FILIP1: variants seen among roughly 807,000 people sequenced by gnomAD.
FILIP1 encodes the protein filamin-A-interacting protein 1.
FILIP1 carries 61 observed loss-of-function variants against 102.1 expected under a neutral mutation model. The observed-to-expected ratio is 0.60, with a 90% CI of 0.49 to 0.74. The LOEUF (loss-of-function observed/expected upper bound fraction) is 0.74, where lower values mean the gene tolerates loss of function less well. Among genes scored for constraint, FILIP1 ranks in the 30% least tolerant of loss-of-function variants. FILIP1 has a pLI of 0.00. For missense variants in FILIP1, 1,314 were observed against 1,441.2 expected (o/e 0.91, Z 1.43); for synonymous variants, 491 against 526.9 (o/e 0.93, Z 0.93).
At chr6:75,430,152 C>G (rs1465135993) in intron 1 of FILIP1, among the ~76,000 whole-genome samples, 1 of 152,152 alleles carries the variant, frequency 6.6e-6, no homozygotes, top group East Asian at 1.9e-4. Context: ...ATAAGGGGCT[C>G]TTCCCCCTTC....
At chr6:75,438,974 AG>A (rs34393755) in intron 1 of FILIP1, among the ~76,000 whole-genome samples, 1 of 152,228 alleles carries the variant, frequency 6.6e-6, no homozygotes, top group East Asian at 1.9e-4. Context: ...TGCCAGAGAC[AG>A]GGGTTACAAA....
chr6:75,385,229 C>G (rs1776048761), intron 2 of FILIP1, among the ~76,000 whole-genome samples: 1 of 152,084 alleles, frequency 6.6e-6, no homozygotes, highest in African/African-American at 2.4e-5. Context: ...AGAGATCTCT[C>G]CATTATGCTA....
chr6:75,330,745 C>T (rs376125898), intron 4 of FILIP1, among the ~76,000 whole-genome samples: 16 of 152,268 alleles, frequency 1.1e-4, no homozygotes, highest in African/African-American at 3.9e-4. Context: ...ATACAAAGCT[C>T]AGGCAAATTA....
chr6:75,446,273 T>C (rs1376935724), intron 1 of FILIP1, among the ~76,000 whole-genome samples: 4 of 152,192 alleles, frequency 2.6e-5, no homozygotes, highest in Admixed American at 6.6e-5. Flanking sequence ...TATGGAGTAG[T>C]GTTTGCAGCT....
intron 4 of FILIP1, chr6:75,319,434 A>G: frequency 3.2e-6 from 2 of 616,770 alleles, no homozygotes; most frequent in South Asian, 2.7e-5. Context: ...AGGGCTATAG[A>G]TTTCATTTCT....
chr6:75,385,245 C>A (rs1376211121), intron 2 of FILIP1, among the ~76,000 whole-genome samples: 1 of 152,100 alleles, frequency 6.6e-6, no homozygotes, highest in African/African-American at 2.4e-5. Context: ...TGCTAAATCA[C>A]TAGTAAATAT....
At position 75,308,857 on chromosome 6, in the gene FILIP1, CG is replaced by C. The variant is rs773842609; in HGVS notation, c.3475del (p.Arg1159AlafsTer8). On this transcript the variant is annotated frameshift_variant, in exon 6 of 6. Transcript: ENST00000237172. LOFTEE classifies it high-confidence loss of function. ...DGSSQRPTPT[R>X]IPMSKGMKAG... ...TTTCATACCTTTTGACATAGGAATG[CG>C]GGTGGGTGTAGGCCGCTGGGATGAC... The C allele has an allele frequency of 1.3e-5, 21 of 1,612,928 alleles. No homozygotes were observed. Among genetic ancestry groups the C allele is most frequent in the Non-Finnish European group, 1.8e-5 (21 of 1,178,948 alleles).
Position 75,353,629 on chromosome 6 carries a change from A to G in FILIP1, c.539T>C (p.Val180Ala), listed in dbSNP as rs756662151. The change falls in exon 4 of 6, where the codon GTA becomes GCA. Residue 180 changes from valine to alanine, a missense_variant. Physicochemically the swap from Val to Ala is moderately conservative, Grantham distance 64 (BLOSUM62 0). Coordinates refer to ENST00000237172, the MANE Select transcript of FILIP1 (RefSeq NM_015687.5). Reference sequence around the variant, plus strand: ...ATGCTTCTCGTTCTCTAACTCGTATACGGTGCGCCTATGACACTTCTCGGC... The same window carrying G: ...ATGCTTCTCGTTCTCTAACTCGTATGCGGTGCGCCTATGACACTTCTCGGC... ...LLAEKCHRRT[V>A]YELENEKHKH... 1.2e-6 allele frequency: 2 copies of G among 1,614,084 alleles called. No individual in the cohort carries two copies. Among genetic ancestry groups the G allele is most frequent in the East Asian group, 2.2e-5 (1 of 44,906 alleles).
intron 4 of FILIP1, among the ~76,000 whole-genome samples, chr6:75,344,378 T>G (rs1306822584): frequency 6.6e-6 from 1 of 152,202 alleles, no homozygotes; most frequent in African/African-American, 2.4e-5. Context: ...ATGGCTTTGT[T>G]CACCACACAT....
chr6:75,386,327 T>A (rs1057028827), intron 2 of FILIP1: 1 of 152,232 alleles, frequency 6.6e-6, no homozygotes, highest in Admixed American at 6.5e-5. Context: ...TGAACTCACT[T>A]CATGTTCAAC....
chr6:75,412,406 A>G (rs1777109243), intron 2 of FILIP1, among the ~76,000 whole-genome samples: 1 of 152,072 alleles, frequency 6.6e-6, no homozygotes, highest in Non-Finnish European at 1.5e-5. Flanking sequence ...AATACACTTT[A>G]TTTCTTTCTC....
rs569191774 is a variant in FILIP1, at chr6:75,441,957, C to T, written c.-6-26979G>A. Reference sequence around the variant, plus strand: ...GGCTGACCCCCACCTCCCTCCCGGACGGGGTGGCTGCGGGGCGGAGACGCT... The same window carrying T: ...GGCTGACCCCCACCTCCCTCCCGGATGGGGTGGCTGCGGGGCGGAGACGCT... On this transcript the variant is annotated intron_variant, in intron 1 of 5. Coordinates refer to ENST00000237172, the MANE Select transcript of FILIP1 (RefSeq NM_015687.5). Among the ~76,000 whole-genome samples the T allele has an allele frequency of 1.1e-4, 16 of 151,330 alleles. No homozygotes were observed. In the South Asian group the frequency reaches 1.7e-3, roughly 16 times the overall value.
chr6:75,345,850 T>A (rs924829452), intron 4 of FILIP1, among the ~76,000 whole-genome samples: 4 of 152,172 alleles, frequency 2.6e-5, no homozygotes. Context: ...TGGCACAAGA[T>A]GAGGAACCCC....
At chr6:75,383,774 C>T (rs759308220) in intron 2 of FILIP1, among the ~76,000 whole-genome samples, 1 of 152,152 alleles carries the variant, frequency 6.6e-6, no homozygotes, top group Non-Finnish European at 1.5e-5. Flanking sequence ...CTATTATTAT[C>T]ACCATTTTGT....
At chr6:75,349,691 G>A (rs1774720538) in intron 4 of FILIP1, among the ~76,000 whole-genome samples, 1 of 152,180 alleles carries the variant, frequency 6.6e-6, no homozygotes, top group African/African-American at 2.4e-5. Context: ...ATTAGCAGCA[G>A]TCCAGCTTCC....
intron 6 of FILIP1, among the ~76,000 whole-genome samples, chr6:75,296,260 A>G (rs1772664860): frequency 6.6e-6 from 1 of 151,580 alleles, no homozygotes; most frequent in Non-Finnish European, 1.5e-5. Context: ...TTAATGAGAA[A>G]CCAGACTATT....
intron 2 of FILIP1, among the ~76,000 whole-genome samples, chr6:75,395,623 G>T (rs1163190538): frequency 6.6e-6 from 1 of 152,092 alleles, no homozygotes; most frequent in East Asian, 1.9e-4. Context: ...TTCTATTTTG[G>T]TGTTTTGCCT....
intron 1 of FILIP1, among the ~76,000 whole-genome samples, chr6:75,433,002 T>G (rs949872661): frequency 1.3e-5 from 2 of 152,228 alleles, no homozygotes; most frequent in Non-Finnish European, 2.9e-5. Flanking sequence ...ACAAAGGACA[T>G]GAGCTCATCC....
At chr6:75,328,736 C>T (rs1399604088) in intron 4 of FILIP1, among the ~76,000 whole-genome samples, 1 of 145,596 alleles carries the variant, frequency 6.9e-6, no homozygotes, top group Non-Finnish European at 1.5e-5. Context: ...GAGCCACCCA[C>T]CTCAGCCTCC....
Sources: allele counts gnomAD v4.1 joint callset (sites outside exome capture counted in the v4.1 genomes callset), GRCh38; gene constraint gnomAD v4.1.1; transcripts MANE v1.5; gene names NCBI Gene and HGNC (gene_info 2026-07-23, HGNC 2026-07-21).